Variants in SAMMSON observed in about 807,000 individuals in gnomAD.
SAMMSON encodes the protein survival associated mitochondrial melanoma specific oncogenic non-coding RNA, also known as long intergenic non-protein coding RNA 1212.
intron 4 of SAMMSON, among the ~76,000 whole-genome samples, chr3:70,132,061 G>C (rs758059856): frequency 6.6e-6 from 1 of 152,052 alleles, no homozygotes; most frequent in African/African-American, 2.4e-5. Flanking sequence ...GCCATGGCAG[G>C]GTAGGAAGTC....
intron 6 of SAMMSON, among the ~76,000 whole-genome samples, chr3:70,288,894 T>G (rs369207906): frequency 0.087 from 13,189 of 151,508 alleles, 653 homozygotes; most frequent in South Asian, 0.13. Context: ...CTGCCTTTTT[T>G]TGTTTTCCAT....
At chr3:70,303,752 G>A (rs1174040795) in intron 7 of SAMMSON, among the ~76,000 whole-genome samples, 1 of 152,080 alleles carries the variant, frequency 6.6e-6, no homozygotes, top group East Asian at 1.9e-4. Flanking sequence ...TGTGATCCTG[G>A]CTCACTGCAA....
intron 4 of SAMMSON, among the ~76,000 whole-genome samples, chr3:70,165,503 A>C (rs546148942): frequency 6.6e-6 from 1 of 152,036 alleles, no homozygotes; most frequent in African/African-American, 2.4e-5. Context: ...CCAGAACCGA[A>C]TATGCTGATG....
chr3:70,324,563 C>A (rs930102142), intron 7 of SAMMSON, among the ~76,000 whole-genome samples: 3 of 152,144 alleles, frequency 2.0e-5, no homozygotes, highest in Non-Finnish European at 4.4e-5. Flanking sequence ...CTGTTCAGTC[C>A]TGCTTTCATC....
In SAMMSON at chr3:70,216,750, C is replaced by T. The variant is rs1213724409; in HGVS notation, n.508-32357C>T. ...GTGAGGCAGGCCTTCCCTTACCTGACATCAAAAACAGTGCTTCCCAATCAG... is the reference window on the plus strand; with the variant it reads ...GTGAGGCAGGCCTTCCCTTACCTGATATCAAAAACAGTGCTTCCCAATCAG... On this transcript the variant is annotated intron_variant and non_coding_transcript_variant, in intron 4 of 9. Coordinates refer to ENST00000642114, the Ensembl canonical transcript of SAMMSON. Among the ~76,000 whole-genome samples, 3 of 152,134 alleles carry T rather than the reference C, an allele frequency of 2.0e-5. No homozygotes were observed. The East Asian group carries it at 5.8e-4, about 29-fold the overall frequency.
chr3:70,136,546 C>A (rs2067506558), intron 4 of SAMMSON, among the ~76,000 whole-genome samples: 2 of 152,194 alleles, frequency 1.3e-5, no homozygotes, highest in African/African-American at 4.8e-5. Context: ...GAGCCAGAAC[C>A]AACAGCTGAA....
chr3:70,417,016 C>T (rs942104069), intron 2 of SAMMSON, among the ~76,000 whole-genome samples: 1 of 152,056 alleles, frequency 6.6e-6, no homozygotes, highest in African/African-American at 2.4e-5. Context: ...ACAGACATCA[C>T]TAATCAGCTA....
At chr3:70,123,224 G>T (rs2067442547) in intron 4 of SAMMSON, among the ~76,000 whole-genome samples, 1 of 152,154 alleles carries the variant, frequency 6.6e-6, no homozygotes, top group Non-Finnish European at 1.5e-5. Context: ...ACATACTTTG[G>T]TAACCTCTAT....
At chr3:70,066,683 G>A (rs2067211385) in intron 3 of SAMMSON, among the ~76,000 whole-genome samples, 1 of 152,034 alleles carries the variant, frequency 6.6e-6, no homozygotes, top group Admixed American at 6.6e-5. Context: ...AAAATAGATT[G>A]AAGAGAATGA....
intron 4 of SAMMSON, among the ~76,000 whole-genome samples, chr3:70,198,100 G>A (rs13064328): frequency 0.14 from 21,962 of 152,114 alleles, 2,304 homozygotes; most frequent in East Asian, 0.55. Flanking sequence ...AAATGTGTGA[G>A]TGCTTTGTAA....
chr3:70,125,148 G>A, intron 4 of SAMMSON: 8 of 1,562,886 alleles, frequency 5.1e-6, no homozygotes, highest in Non-Finnish European at 5.3e-6. Flanking sequence ...TTTCCAAAAA[G>A]CACATATCCA....
intron 6 of SAMMSON, among the ~76,000 whole-genome samples, chr3:70,263,355 T>C (rs1049789727): frequency 1.3e-5 from 2 of 152,324 alleles, no homozygotes; most frequent in Non-Finnish European, 2.9e-5. Context: ...TAGTTCTTTT[T>C]AATTTTATTT....
chr3:70,388,217 G>T (rs1281027683), intron 9 of SAMMSON, among the ~76,000 whole-genome samples: 1 of 152,098 alleles, frequency 6.6e-6, no homozygotes, highest in Non-Finnish European at 1.5e-5. Flanking sequence ...GCCAAATCCA[G>T]CCCATCATTT....
chr3:70,158,958 C>T (rs1345741984), intron 4 of SAMMSON, among the ~76,000 whole-genome samples: 1 of 151,826 alleles, frequency 6.6e-6, no homozygotes. Flanking sequence ...TTGTCCTTTC[C>T]AAACCTTTTG....
intron 4 of SAMMSON, among the ~76,000 whole-genome samples, chr3:70,087,304 T>G (rs1467668380): frequency 6.6e-6 from 1 of 152,236 alleles, no homozygotes; most frequent in Non-Finnish European, 1.5e-5. Flanking sequence ...ATTAGCTTAT[T>G]TAATTTGATG....
At chr3:70,245,123 A>G (rs1701694460) in intron 4 of SAMMSON, among the ~76,000 whole-genome samples, 1 of 152,132 alleles carries the variant, frequency 6.6e-6, no homozygotes, top group Admixed American at 6.6e-5. Flanking sequence ...CTCTCCTTTA[A>G]TAGCTATTTT....
Position 70,016,886 on chromosome 3 carries a change from CAGA to C in SAMMSON, n.417+3215_417+3217del, listed in dbSNP as rs530393140. Among the ~76,000 whole-genome samples the C allele has an allele frequency of 3.3e-3, 498 of 152,208 alleles. 2 individuals are homozygous for C. The highest frequency in any genetic ancestry group is 5.4e-3 in the Non-Finnish European group (367 of 68,014). ...TGTTTTTGTCAGGTTTGTCAAAGAT[CAGA>C]TGGTTGTAGATATGCGGCATTATTT... On this transcript the variant is annotated intron_variant and non_coding_transcript_variant, in intron 3 of 9. Coordinates refer to ENST00000642114, the Ensembl canonical transcript of SAMMSON.
chr3:70,396,039 A>G (rs528488730), intron 2 of SAMMSON, among the ~76,000 whole-genome samples: 13 of 152,314 alleles, frequency 8.5e-5, no homozygotes, highest in African/African-American at 3.1e-4. Flanking sequence ...GAGAACACTA[A>G]GTTCATCCAA....
chr3:70,285,232 A>C (rs1702131828), intron 6 of SAMMSON, among the ~76,000 whole-genome samples: 1 of 108,796 alleles, frequency 9.2e-6, no homozygotes, highest in Admixed American at 1.3e-4. Flanking sequence ...AACAGTCCCC[A>C]GAGTGTGATG....
Sources: gnomAD v4.1 joint callset for allele counts (sites outside exome capture counted in the v4.1 genomes callset) on GRCh38, gnomAD v4.1.1 for gene constraint, MANE v1.5 for transcripts, NCBI Gene and HGNC (gene_info 2026-07-23, HGNC 2026-07-21) for gene names.